GABRA3: variants seen among roughly 807,000 people sequenced by gnomAD.
GABRA3 encodes the protein gamma-aminobutyric acid receptor subunit alpha-3.
In GABRA3, 10 loss-of-function variants were observed where a neutral mutation model predicts 30.1. The ratio of observed to expected loss-of-function variants is 0.33; its 90% confidence interval spans 0.20 to 0.56. GABRA3 has a LOEUF of 0.56. GABRA3 is among the 20% of genes least tolerant of loss of function. The pLI is 0.89. For missense variants in GABRA3, 233 were observed against 392.0 expected (o/e 0.59, Z 3.42); for synonymous variants, 151 against 146.8 (o/e 1.03, Z -0.21).
rs1172115502 is a variant in GABRA3, at chrX:152,324,574, A to C, written c.262+21007T>G. Reference sequence around the variant, plus strand: ...TTCTTAACTGGTTAAAATATATCCAAAGATTTTGTTTAGTAGGTCAATATA... The same window carrying C: ...TTCTTAACTGGTTAAAATATATCCACAGATTTTGTTTAGTAGGTCAATATA... On this transcript the variant is annotated intron_variant, in intron 3 of 9. Coordinates refer to ENST00000370314, the MANE Select transcript of GABRA3 (RefSeq NM_000808.4). Among the ~76,000 whole-genome samples the C allele has an allele frequency of 5.4e-5, 6 of 111,830 alleles. No individual in the cohort carries two copies. The East Asian group carries it at 1.4e-3, about 26-fold the overall frequency.
At chrX:152,253,002 G>A (rs1422022637) in intron 5 of GABRA3, among the ~76,000 whole-genome samples, 1 of 112,117 alleles carries the variant, frequency 8.9e-6, no homozygotes, top group Admixed American at 9.5e-5. Flanking sequence ...TCAGGGAAGT[G>A]TAGTACTACT....
intron 1 of GABRA3, among the ~76,000 whole-genome samples, chrX:152,367,592 G>T (rs1265126984): frequency 4.5e-5 from 5 of 111,027 alleles, no homozygotes; most frequent in Non-Finnish European, 9.5e-5. Context: ...TCTAGATATG[G>T]GTTCCAGGAG....
At chrX:152,291,078 G>T (rs751259342) in intron 3 of GABRA3, among the ~76,000 whole-genome samples, 1 of 111,485 alleles carries the variant, frequency 9.0e-6, no homozygotes, top group East Asian at 2.8e-4. Flanking sequence ...TGATGGGGAT[G>T]GCATTGAATC....
At chrX:152,352,367 G>C (rs1173360322) in intron 2 of GABRA3, among the ~76,000 whole-genome samples, 3 of 111,812 alleles carry the variant, frequency 2.7e-5, no homozygotes, top group African/African-American at 9.7e-5. Context: ...TATAAATGAA[G>C]GTTGTTCATT....
At chrX:152,326,811 AC>A (rs1422507897) in intron 3 of GABRA3, among the ~76,000 whole-genome samples, 2 of 111,389 alleles carry the variant, frequency 1.8e-5, no homozygotes, top group Non-Finnish European at 3.8e-5. Flanking sequence ...GGGAAAATAA[AC>A]AGCTAACATC....
Position 152,200,441 on chromosome X carries a change from T to G in GABRA3, c.779-2656A>C, listed in dbSNP as rs370513319. Among the ~76,000 whole-genome samples, 42 of 112,556 alleles carry G rather than the reference T, an allele frequency of 3.7e-4. 1 individual carries two copies. The highest frequency in any genetic ancestry group is 2.5e-3 in the Admixed American group (27 of 10,654). On this transcript the variant is annotated intron_variant, in intron 7 of 9. Transcript: ENST00000370314. ...AATACAAGTAGGCTTATTTTTAATT[T>G]AGCAAATTGAAAATTACAACTTTGG...
intron 6 of GABRA3, among the ~76,000 whole-genome samples, chrX:152,220,705 T>C (rs1444701979): frequency 1.8e-5 from 2 of 111,777 alleles, no homozygotes; most frequent in Non-Finnish European, 3.8e-5. Context: ...CTCAACATCC[T>C]CACCAAGAAG....
chrX:152,428,180 C>T (rs1164453781), intron 1 of GABRA3, among the ~76,000 whole-genome samples: 5 of 111,977 alleles, frequency 4.5e-5, no homozygotes, highest in Non-Finnish European at 7.5e-5. Context: ...GTATAATCTC[C>T]GCAGGCTGCT....
intron 9 of GABRA3, among the ~76,000 whole-genome samples, chrX:152,187,792 A>C (rs1319602810): frequency 2.7e-5 from 3 of 112,164 alleles, no homozygotes; most frequent in Non-Finnish European, 5.6e-5. Context: ...GAGTAGTAAA[A>C]ATTTCTCTAA....
chrX:152,305,118 A>G (rs1939701953), intron 3 of GABRA3, among the ~76,000 whole-genome samples: 1 of 111,111 alleles, frequency 9.0e-6, no homozygotes, highest in Non-Finnish European at 1.9e-5. Flanking sequence ...TATGTACCAC[A>G]TTTTCTTTAT....
intron 1 of GABRA3, among the ~76,000 whole-genome samples, chrX:152,450,926 C>T (rs932800786): frequency 8.9e-6 from 1 of 112,844 alleles, no homozygotes; most frequent in African/African-American, 3.2e-5. Flanking sequence ...ATCGCAACCC[C>T]CCTTCCTCAA....
chrX:152,230,207 G>A (rs1938040753), intron 5 of GABRA3, among the ~76,000 whole-genome samples: 1 of 111,366 alleles, frequency 9.0e-6, no homozygotes, highest in Non-Finnish European at 1.9e-5. Flanking sequence ...TCATTTAATT[G>A]TACACTTCAA....
At chrX:152,286,182 A>ATATAATTATATAC (rs1939293863) in intron 3 of GABRA3, among the ~76,000 whole-genome samples, 1 of 105,044 alleles carries the variant, frequency 9.5e-6, no homozygotes, top group African/African-American at 3.5e-5. Context: ...TATATAAGTT[A>ATATAATTATATAC]TATAAGTATA....
chrX:152,310,995 C>T lies in GABRA3; in HGVS notation c.263-26260G>A, dbSNP rs760324260. 3.7e-4 allele frequency among the ~76,000 whole-genome samples: 41 copies of T among 111,106 alleles called. No homozygotes were observed. The South Asian group carries it at 0.011, about 30-fold the overall frequency. On this transcript the variant is annotated intron_variant, in intron 3 of 9. Coordinates refer to ENST00000370314, the MANE Select transcript of GABRA3 (RefSeq NM_000808.4). ...ATAAATTCCTGGAAACATACAACCTCCCAAGATTGAAAGAGGAAGAAATTG... is the reference window on the plus strand; with the variant it reads ...ATAAATTCCTGGAAACATACAACCTTCCAAGATTGAAAGAGGAAGAAATTG...
chrX:152,210,428 G>A (rs746228255), intron 6 of GABRA3, among the ~76,000 whole-genome samples: 104 of 111,766 alleles, frequency 9.3e-4, no homozygotes, highest in African/African-American at 3.3e-3. Context: ...AAACAAAAGT[G>A]CAAGTGAGAT....
At chrX:152,251,532 TG>T (rs1938554942) in intron 5 of GABRA3, among the ~76,000 whole-genome samples, 1 of 109,986 alleles carries the variant, frequency 9.1e-6, no homozygotes, top group African/African-American at 3.3e-5. Context: ...CAATCTCTAC[TG>T]GGTTCAGATC....
intron 3 of GABRA3, among the ~76,000 whole-genome samples, chrX:152,297,359 A>T (rs376078049): frequency 8.9e-6 from 1 of 112,193 alleles, no homozygotes; most frequent in African/African-American, 3.2e-5. Flanking sequence ...CACTCTCAGC[A>T]TTCCACTTTC....
intron 1 of GABRA3, among the ~76,000 whole-genome samples, chrX:152,449,259 A>T (rs949408528): frequency 8.9e-6 from 1 of 112,344 alleles, no homozygotes; most frequent in Non-Finnish European, 1.9e-5. Flanking sequence ...GCTCCATGAC[A>T]CAAAGAGCCA....
At chrX:152,203,441 T>C (rs1235397207) in intron 7 of GABRA3, among the ~76,000 whole-genome samples, 2 of 112,281 alleles carry the variant, frequency 1.8e-5, no homozygotes, top group Non-Finnish European at 3.8e-5. Context: ...TAAATCAATC[T>C]ATAGAGAAAG....
Sources: gnomAD v4.1 joint callset for allele counts (sites outside exome capture counted in the v4.1 genomes callset) on GRCh38, gnomAD v4.1.1 for gene constraint, MANE v1.5 for transcripts, NCBI Gene and HGNC (gene_info 2026-07-23, HGNC 2026-07-21) for gene names.